The following ZNF507 variants were observed in gnomAD, a reference collection of about 807,000 sequenced individuals.
ZNF507 encodes the protein zinc finger protein 507.
ZNF507 carries 29 observed loss-of-function variants against 80.0 expected under a neutral mutation model. The ratio of observed to expected loss-of-function variants is 0.36; its 90% CI spans 0.27 to 0.49. The LOEUF is 0.49. ZNF507 is among the 20% of genes least tolerant of loss of function. The pLI, the probability that ZNF507 is intolerant of heterozygous loss-of-function variation, is 0.98. For synonymous variants in ZNF507, 462 were observed against 422.5 expected (o/e 1.09, Z -1.15); for missense variants, 1,081 against 1,152.2 (o/e 0.94, Z 0.90).
At chr19:32,351,609 G>A (rs1029913382) in intron 2 of ZNF507, among the ~76,000 whole-genome samples, 14 of 149,088 alleles carry the variant, frequency 9.4e-5, no homozygotes, top group Non-Finnish European at 1.5e-4. Flanking sequence ...TCAACCATGC[G>A]GGGAAGAACA....
intron 5 of ZNF507, 33 bp downstream of exon 5, chr19:32,360,651 G>T (rs1481850461): frequency 1.7e-6 from 2 of 1,191,584 alleles, no homozygotes; most frequent in South Asian, 3.7e-5. Context: ...TTTAATGTTT[G>T]TATTAAAATA....
chr19:32,371,479 CAA>C (rs558295166), intron 5 of ZNF507, among the ~76,000 whole-genome samples: 8 of 112,292 alleles, frequency 7.1e-5, no homozygotes, highest in Admixed American at 9.5e-5. Context: ...ACTCCCATCT[CAA>C]AAAAAAAAAA....
intron 5 of ZNF507, 166 bp from the exon 6 acceptor site, chr19:32,382,301 G>A: frequency 1.3e-6 from 1 of 796,256 alleles, no homozygotes; most frequent in Non-Finnish European, 1.9e-6. Context: ...GGACCTCTCT[G>A]AAATCAGTGT....
At position 32,382,540 on chromosome 19, in the gene ZNF507, C is replaced by A. The variant is rs758264648; in HGVS notation, c.2434C>A (p.Gln812Lys). Residue 812 changes from glutamine (Q) to lysine (K), a missense_variant, in exon 6 of 7, where the codon CAA (glutamine) becomes AAA (lysine). Physicochemically the swap from Gln to Lys is moderately conservative, Grantham distance 53. Around this residue, in one of 6 missense-constraint regions of ZNF507, gnomAD observed 11 missense variants for 37.1 expected, o/e 0.30. Transcript: ENST00000355898. ...TCATATGTGGAAACATGCAAGTGACCAAAATTACAACTACGAACAAGTAAA... is the reference window on the plus strand; with the variant it reads ...TCATATGTGGAAACATGCAAGTGACAAAAATTACAACTACGAACAAGTAAA... ...KSHMWKHASD[Q>K]NYNYEQVNKA... 2 of 1,614,076 alleles carry A rather than the reference C, an allele frequency of 1.2e-6. No individual in the cohort carries two copies. Among genetic ancestry groups the A allele is most frequent in the Admixed American group, 1.7e-5 (1 of 59,986 alleles).
In ZNF507 at chr19:32,353,067, T is replaced by C. The variant is rs1250862975; in HGVS notation, c.237T>C (p.Ser79=). 1.9e-6 allele frequency: 3 copies of C among 1,614,188 alleles called. No individual in the cohort carries two copies. The Admixed American group carries it at 5.0e-5, about 27-fold the overall frequency. ...KRPRSSAATH[S]LETQELCEIP... is the part of the protein sequence containing the mutation. ...CACGTTCAAGTGCTGCAACACACTC[T>C]CTTGAAACCCAAGAACTTTGTGAGA... Residue 79 remains serine, a synonymous_variant, in exon 3 of 7, where the codon TCT becomes TCC. Coordinates refer to ENST00000355898, the MANE Select transcript of ZNF507 (RefSeq NM_001136156.2).
chr19:32,368,276 A>G (rs1483692919), intron 5 of ZNF507, among the ~76,000 whole-genome samples: 1 of 152,194 alleles, frequency 6.6e-6, no homozygotes, highest in Non-Finnish European at 1.5e-5. Context: ...CTGGGGTCTC[A>G]TCAGGGAAGG....
Position 32,353,463 on chromosome 19 carries a change from T to A in ZNF507, c.633T>A (p.Ile211=). The A allele has an allele frequency of 6.2e-7, 1 of 1,614,150 alleles. No individual in the cohort carries two copies. The highest frequency in any genetic ancestry group is 8.5e-7 in the Non-Finnish European group (1 of 1,180,022). Reference sequence around the variant, plus strand: ...AAACCACAGAAAGAAATGAAACCATTCCAGATATCCCAGTAAGTGTGGACA... The same window carrying A: ...AAACCACAGAAAGAAATGAAACCATACCAGATATCCCAGTAAGTGTGGACA... The part of the protein sequence containing the change: ...CRKTTERNET[I]PDIPVSVDNL... The change falls in exon 3 of 7, where the codon ATT becomes ATA. Residue 211 remains isoleucine, a synonymous_variant. Transcript: ENST00000355898.
chr19:32,350,141 A>G (rs1967143341), intron 2 of ZNF507, among the ~76,000 whole-genome samples: 1 of 150,294 alleles, frequency 6.7e-6, no homozygotes, highest in African/African-American at 2.5e-5. Flanking sequence ...AAATTGAAAG[A>G]GTTGGCCTTA....
intron 5 of ZNF507, among the ~76,000 whole-genome samples, chr19:32,374,369 T>C (rs962027724): frequency 1.3e-5 from 2 of 152,314 alleles, no homozygotes; most frequent in South Asian, 2.1e-4. Flanking sequence ...TATTGAGTTA[T>C]TATTTGTAAC....
intron 5 of ZNF507, among the ~76,000 whole-genome samples, chr19:32,378,410 G>A (rs775896437): frequency 2.0e-4 from 31 of 152,094 alleles, no homozygotes; most frequent in Non-Finnish European, 4.6e-4. Context: ...AAGGAGACGT[G>A]AGGACTAAAA....
At position 32,353,566 on chromosome 19, in the gene ZNF507, G is replaced by A. The variant is rs138138657; in HGVS notation, c.736G>A (p.Gly246Ser). The change falls in exon 3 of 7, where the codon GGC (glycine) becomes AGC (serine). Residue 246 changes from glycine (G) to serine (S), a missense_variant. Gly to Ser is a moderately conservative substitution (Grantham distance 56). This residue lies in a region of ZNF507 where 275 missense variants were observed against 303.9 expected (regional missense o/e 0.90). Transcript: ENST00000355898. ...RRKWYAYEQY[G>S]MYRCLFCSYT... is the part of the protein sequence containing the mutation. Reference sequence around the variant, plus strand: ...GAAATGGTATGCATACGAACAGTACGGCATGTATCGATGCTTGTTTTGTAG... The same window carrying A: ...GAAATGGTATGCATACGAACAGTACAGCATGTATCGATGCTTGTTTTGTAG... 8 of 1,614,072 alleles carry A rather than the reference G, an allele frequency of 5.0e-6. No individual in the cohort carries two copies. The highest frequency in any genetic ancestry group is 1.3e-5 in the African/African-American group (1 of 74,934).
chr19:32,356,738 C>G lies in ZNF507; in HGVS notation c.2245+5C>G. On this transcript the variant is annotated splice_donor_5th_base_variant and intron_variant, in intron 4 of 6. Coordinates refer to ENST00000355898, the MANE Select transcript of ZNF507 (RefSeq NM_001136156.2). ...ATGGAAAATGTGTCCAGGAAGGTAT[C>G]TATGTATTTTGTTATGCAGGCTGCA... 1 of 1,609,244 alleles carries G rather than the reference C, an allele frequency of 6.2e-7. No homozygotes were observed.
intron 5 of ZNF507, among the ~76,000 whole-genome samples, chr19:32,376,542 CA>C (rs1257181749): frequency 2.0e-5 from 3 of 152,138 alleles, no homozygotes; most frequent in African/African-American, 7.2e-5. Context: ...CACAGAGGCC[CA>C]GGGGGCAAGG....
intron 4 of ZNF507, chr19:32,359,018 TTAAG>T (rs1967287583): frequency 1.3e-5 from 2 of 152,234 alleles, no homozygotes; most frequent in Admixed American, 1.3e-4. Flanking sequence ...CTGTGCTATA[TTAAG>T]TTTTTCCATC....
intron 2 of ZNF507, among the ~76,000 whole-genome samples, chr19:32,351,465 G>GGCA: frequency 7.2e-6 from 1 of 139,726 alleles, no homozygotes; most frequent in African/African-American, 2.7e-5. Context: ...GTGTGTGTGT[G>GGCA]TGTGTGGCGT....
chr19:32,372,526 G>A (rs940114606), intron 5 of ZNF507, among the ~76,000 whole-genome samples: 3 of 152,012 alleles, frequency 2.0e-5, no homozygotes, highest in African/African-American at 7.3e-5. Context: ...CGAAAAGTTT[G>A]AGGGCCTGGC....
At chr19:32,350,332 C>G (rs904427104) in intron 2 of ZNF507, among the ~76,000 whole-genome samples, 1 of 151,926 alleles carries the variant, frequency 6.6e-6, no homozygotes, top group Admixed American at 6.6e-5. Context: ...TTTATAGCTG[C>G]CATTACTGTA....
In ZNF507 at chr19:32,384,158, A is replaced by G. The variant is rs1183822288; in HGVS notation, c.*1075A>G. ...AGGAATATAACCAAATGTGACTAAA[A>G]TATAGCAGAAATTCAGGTTGTTTGT... On this transcript the variant is annotated 3_prime_UTR_variant, in exon 7 of 7. Transcript: ENST00000355898. The G allele has an allele frequency of 2.0e-5, 3 of 152,224 alleles. No individual in the cohort carries two copies. The highest frequency in any genetic ancestry group is 4.4e-5 in the Non-Finnish European group (3 of 68,042). The allele number at this position is 152,224 out of a possible 1,614,324, so 9.4% of individuals were successfully genotyped here.
chr19:32,347,579 C>T (rs2041217706), intron 2 of ZNF507, among the ~76,000 whole-genome samples: 1 of 151,934 alleles, frequency 6.6e-6, no homozygotes, highest in African/African-American at 2.4e-5. Context: ...GGCCTGGATT[C>T]CTGTTCTTAA....
Sources: gnomAD v4.1 joint callset for allele counts (sites outside exome capture counted in the v4.1 genomes callset) on GRCh38, gnomAD v4.1.1 for gene constraint, gnomAD v4.1.1 regional missense constraint, MANE v1.5 for transcripts, NCBI Gene and HGNC (gene_info 2026-07-23, HGNC 2026-07-21) for gene names.